The following KMT2C variants were observed in gnomAD, a reference collection of about 807,000 sequenced individuals.
KMT2C encodes histone-lysine N-methyltransferase 2C.
Under a neutral mutation model 507.9 loss-of-function variants are expected in KMT2C, and 88 were observed. The ratio of observed to expected loss-of-function variants is 0.17; its 90% CI spans 0.15 to 0.21. The LOEUF is 0.21. Ranked by LOEUF, KMT2C falls within the 10% of genes least tolerant of loss-of-function variation. The pLI is 1.00. For synonymous variants in KMT2C, 2,049 were observed against 2,080.8 expected, an observed-to-expected ratio of 0.98 and a Z score of 0.42; for missense variants, 4,954 against 5,957.8, an observed-to-expected ratio of 0.83 and a Z score of 5.55.
chr7:152,360,085 GA>G (rs2097184332), intron 1 of KMT2C, among the ~76,000 whole-genome samples: 2 of 86,706 alleles, frequency 2.3e-5, no homozygotes, highest in African/African-American at 1.1e-4. Flanking sequence ...GGGGGGGGGG[GA>G]CAATATGAAA....
intron 1 of KMT2C, among the ~76,000 whole-genome samples, chr7:152,361,061 GA>G (rs1464163795): frequency 1.3e-4 from 20 of 152,110 alleles, no homozygotes; most frequent in Admixed American, 4.6e-4. Flanking sequence ...TTCAACATTA[GA>G]AATTTGTTAA....
chr7:152,252,733 T>C lies in KMT2C; in HGVS notation c.1300-18A>G, dbSNP rs773080388. ...CTGCAATTCTAAACACCAGGAAAAA[T>C]AAAAACAAAAACAGTTTGTTATGCA... is the stretch of plus-strand genomic sequence containing the variant. On this transcript the variant is annotated intron_variant, in intron 9 of 58. Transcript: ENST00000262189. The C allele has an allele frequency of 7.7e-6, 12 of 1,564,744 alleles. No individual in the cohort carries two copies. Among genetic ancestry groups the C allele is most frequent in the South Asian group, 1.2e-5 (1 of 85,590 alleles).
chr7:152,281,145 T>C (rs2096201133), intron 6 of KMT2C, among the ~76,000 whole-genome samples: 1 of 151,968 alleles, frequency 6.6e-6, no homozygotes, highest in Non-Finnish European at 1.5e-5. Context: ...TAAATCTGAC[T>C]ACATAGAAAT....
intron 6 of KMT2C, among the ~76,000 whole-genome samples, chr7:152,295,796 G>C (rs1253414762): frequency 6.6e-6 from 1 of 152,222 alleles, no homozygotes; most frequent in Non-Finnish European, 1.5e-5. Context: ...GCTGGGCGCA[G>C]TGGCTCACGC....
At chr7:152,236,770 C>T (rs2129156245) in intron 15 of KMT2C, among the ~76,000 whole-genome samples, 1 of 152,280 alleles carries the variant, frequency 6.6e-6, no homozygotes, top group East Asian at 1.9e-4. Context: ...TAGCTCACTG[C>T]AGCCTAGAAC....
At chr7:152,321,214 G>C (rs1482471854) in intron 3 of KMT2C, among the ~76,000 whole-genome samples, 2 of 151,800 alleles carry the variant, frequency 1.3e-5, no homozygotes, top group Non-Finnish European at 2.9e-5. Context: ...CTGGGCAACA[G>C]AGCAAGACTC....
chr7:152,326,608 C>T (rs1456259875), intron 3 of KMT2C, among the ~76,000 whole-genome samples: 1 of 152,084 alleles, frequency 6.6e-6, no homozygotes, highest in Non-Finnish European at 1.5e-5. Flanking sequence ...AGGCCGGGGA[C>T]GGTGGCTCAC....
chr7:152,199,181 C>A, intron 27 of KMT2C, 98 bp downstream of exon 27: 2 of 921,708 alleles, frequency 2.2e-6, no homozygotes, highest in Non-Finnish European at 3.2e-6. Flanking sequence ...TTTTAAAATG[C>A]ATATGAGGCC....
Position 152,163,364 on chromosome 7 carries a change from G to T in KMT2C, c.10213C>A (p.Arg3405=). 6.2e-7 allele frequency: 1 copy of T among 1,614,118 alleles called. No individual in the cohort carries two copies. Among genetic ancestry groups the T allele is most frequent in the Non-Finnish European group, 8.5e-7 (1 of 1,180,026 alleles). The change falls in exon 43 of 59, where the codon CGA becomes AGA. Residue 3405 remains arginine (R), a synonymous_variant. Coordinates refer to ENST00000262189, the MANE Select transcript of KMT2C (RefSeq NM_170606.3). Reference sequence around the variant, plus strand: ...ATCCGTTGTCTCTCTTGCTGTTCTCGTAAACGTTCCTTACGTTCCCGTTCT... The same window carrying T: ...ATCCGTTGTCTCTCTTGCTGTTCTCTTAAACGTTCCTTACGTTCCCGTTCT... ...FQERERKERL[R]EQQERQRIQL... is the part of the protein sequence containing the mutation.
chr7:152,379,874 T>C (rs1346191741), intron 1 of KMT2C, among the ~76,000 whole-genome samples: 1 of 152,294 alleles, frequency 6.6e-6, no homozygotes, highest in Non-Finnish European at 1.5e-5. Flanking sequence ...AATGGGAGGA[T>C]CACTTGAGCC....
intron 23 of KMT2C, among the ~76,000 whole-genome samples, chr7:152,219,491 G>A (rs2094697120): frequency 1.3e-5 from 2 of 151,652 alleles, no homozygotes. Flanking sequence ...CATGCCTATA[G>A]TACCTGCTAC....
intron 2 of KMT2C, among the ~76,000 whole-genome samples, chr7:152,343,602 AG>A (rs2097021944): frequency 1.3e-5 from 2 of 152,142 alleles, no homozygotes; most frequent in Admixed American, 1.3e-4. Context: ...AACATCAAAA[AG>A]GATAAATGCC....
chr7:152,274,550 T>A (rs1308573406), intron 6 of KMT2C, among the ~76,000 whole-genome samples: 1 of 152,212 alleles, frequency 6.6e-6, no homozygotes, highest in East Asian at 1.9e-4. Context: ...CTAGGGCAAG[T>A]GAACACATAA....
In KMT2C at chr7:152,321,767, GA is replaced by G. The variant is rs1442955357; in HGVS notation, c.390-6430del. Among the ~76,000 whole-genome samples, 3 of 151,946 alleles carry G rather than the reference GA, an allele frequency of 2.0e-5. No individual in the cohort carries two copies. The East Asian group carries it at 5.8e-4, about 29-fold the overall frequency. ...CATAAAACTCACAAAAGAAATTTAA[GA>G]AAACATCAAGAAATGGGAAGATATC... On this transcript the variant is annotated intron_variant, in intron 3 of 58. Coordinates refer to ENST00000262189, the MANE Select transcript of KMT2C (RefSeq NM_170606.3).
rs182466865 is a variant in KMT2C, at chr7:152,427,911, T to C, written c.161+7715A>G. The stretch of plus-strand genomic sequence containing the variant: ...TCCTTTGCAGTGACTGGAATCTTCC[T>C]CCCCATTCGCACTACCAACATTCTA... On this transcript the variant is annotated intron_variant, in intron 1 of 58. Coordinates refer to ENST00000262189, the MANE Select transcript of KMT2C (RefSeq NM_170606.3). Among the ~76,000 whole-genome samples, 87 of 152,242 alleles carry C rather than the reference T, an allele frequency of 5.7e-4. 1 individual carries two copies. The highest frequency in any genetic ancestry group is 1.9e-3 in the Admixed American group (29 of 15,288).
chr7:152,433,656 G>C (rs1241396730), intron 1 of KMT2C, among the ~76,000 whole-genome samples: 1 of 152,178 alleles, frequency 6.6e-6, no homozygotes, highest in Non-Finnish European at 1.5e-5. Context: ...ATTTCCAAAA[G>C]TTTTGATTTT....
intron 6 of KMT2C, among the ~76,000 whole-genome samples, chr7:152,299,169 T>G (rs1303803513): frequency 6.6e-6 from 1 of 151,402 alleles, no homozygotes; most frequent in Non-Finnish European, 1.5e-5. Flanking sequence ...AATACAAAAA[T>G]TAGCTGGGTG....
In KMT2C at chr7:152,176,384, A is replaced by G. The variant is rs2093211875; in HGVS notation, c.9069T>C (p.Ser3023=). 6.2e-7 allele frequency: 1 copy of G among 1,613,954 alleles called. No individual in the cohort carries two copies. Among genetic ancestry groups the G allele is most frequent in the Non-Finnish European group, 8.5e-7 (1 of 1,180,002 alleles). ...TTAGCTGTTGGGGTCCAGACATGCT[A>G]CTGGTACCAGACTGACTTGTTTGAG... ...TGPQTSQSGT[S]SMSGPQQLMI... The change falls in exon 38 of 59, where the codon AGT becomes AGC. Residue 3023 remains serine, a synonymous_variant. Transcript: ENST00000262189.
At chr7:152,344,511 C>A (rs771228159) in intron 2 of KMT2C, among the ~76,000 whole-genome samples, 2 of 151,540 alleles carry the variant, frequency 1.3e-5, no homozygotes, top group African/African-American at 4.9e-5. Flanking sequence ...TGGAGGTAAC[C>A]AAAACTGTGA....
Sources: gnomAD v4.1 joint callset for allele counts (sites outside exome capture counted in the v4.1 genomes callset) on GRCh38, gnomAD v4.1.1 for gene constraint, MANE v1.5 for transcripts, NCBI Gene and HGNC (gene_info 2026-07-23, HGNC 2026-07-21) for gene names.